TMEM117: variants seen among roughly 807,000 people sequenced by gnomAD.
TMEM117 encodes transmembrane protein 117.
Under a neutral mutation model 52.4 loss-of-function variants are expected in TMEM117, and 27 were observed. That is an observed-to-expected ratio of 0.51 (90% CI 0.38 to 0.71). The LOEUF (loss-of-function observed/expected upper bound fraction) is 0.71, where lower values mean the gene tolerates loss of function less well. TMEM117 is among the 30% of genes least tolerant of loss of function. TMEM117 has a pLI of 0.00. For missense variants in TMEM117, 556 were observed against 630.5 expected (o/e 0.88, Z 1.26); for synonymous variants, 215 against 206.3 (o/e 1.04, Z -0.36).
chr12:44,094,055 C>T (rs1396267880), intron 3 of TMEM117, among the ~76,000 whole-genome samples: 1 of 151,656 alleles, frequency 6.6e-6, no homozygotes, highest in Non-Finnish European at 1.5e-5. Flanking sequence ...TTAGCTGTGT[C>T]CCTTATGATG....
chr12:44,305,089 G>A (rs192427929), intron 6 of TMEM117, among the ~76,000 whole-genome samples: 1 of 152,284 alleles, frequency 6.6e-6, no homozygotes. Flanking sequence ...GCCCATTCCT[G>A]AAAGGAGAGA....
the TMEM117 span, chr12:43,798,562 T>C: frequency 3.3e-6 from 5 of 1,523,672 alleles, no homozygotes; most frequent in Non-Finnish European, 4.4e-6. Flanking sequence ...TGCGAATGCA[T>C]ACCCCAATAT....
At chr12:43,855,062 A>G (rs942209204) in intron 2 of TMEM117, among the ~76,000 whole-genome samples, 1 of 152,228 alleles carries the variant, frequency 6.6e-6, no homozygotes, top group Non-Finnish European at 1.5e-5. Flanking sequence ...TTCTGTATAT[A>G]TGTATACATA....
intron 6 of TMEM117, among the ~76,000 whole-genome samples, chr12:44,333,114 A>G (rs1951294604): frequency 6.6e-6 from 1 of 152,006 alleles, no homozygotes; most frequent in Admixed American, 6.6e-5. Context: ...AAAACCACCC[A>G]GACAATTTAT....
the TMEM117 span, chr12:43,802,216 T>G: frequency 9.4e-7 from 1 of 1,068,036 alleles, no homozygotes; most frequent in Non-Finnish European, 1.3e-6. Flanking sequence ...TTAACCTTTA[T>G]TTGACCTAGA....
chr12:44,103,163 A>C (rs1317085728), intron 3 of TMEM117, among the ~76,000 whole-genome samples: 2 of 151,448 alleles, frequency 1.3e-5, no homozygotes, highest in African/African-American at 4.9e-5. Context: ...TTTTATGATC[A>C]CTTACTTTAC....
chr12:44,026,344 G>A, intron 3 of TMEM117, among the ~76,000 whole-genome samples: 1 of 152,110 alleles, frequency 6.6e-6, no homozygotes, highest in African/African-American at 2.4e-5. Flanking sequence ...TTTAGACTGT[G>A]ATTAAAAACC....
intron 3 of TMEM117, among the ~76,000 whole-genome samples, chr12:44,042,001 A>C (rs1457467802): frequency 6.6e-6 from 1 of 152,206 alleles, no homozygotes; most frequent in East Asian, 1.9e-4. Flanking sequence ...CAGAGCAGTC[A>C]GGCAAGAGAG....
intron 6 of TMEM117, among the ~76,000 whole-genome samples, chr12:44,345,891 T>C (rs1951480310): frequency 6.6e-6 from 1 of 152,076 alleles, no homozygotes; most frequent in African/African-American, 2.4e-5. Flanking sequence ...CACAGTGTAA[T>C]CTCTTATCCT....
At chr12:44,396,029 G>A in the TMEM117 span, among the ~76,000 whole-genome samples, 1 of 152,158 alleles carries the variant, frequency 6.6e-6, no homozygotes, top group African/African-American at 2.4e-5. Flanking sequence ...AGTTTTTAAA[G>A]TTCCATAGGT....
intron 3 of TMEM117, among the ~76,000 whole-genome samples, chr12:44,077,910 T>C (rs930520540): frequency 6.6e-6 from 1 of 152,136 alleles, no homozygotes; most frequent in Non-Finnish European, 1.5e-5. Context: ...GACATAACTT[T>C]AGAAATTCCA....
chr12:43,971,376 C>A (rs530051938), intron 3 of TMEM117, among the ~76,000 whole-genome samples: 39 of 152,316 alleles, frequency 2.6e-4, no homozygotes, highest in African/African-American at 9.4e-4. Context: ...ACTTTTACTA[C>A]TCTAAGTAAC....
intron 3 of TMEM117, among the ~76,000 whole-genome samples, chr12:44,015,005 C>T (rs1946351850): frequency 6.6e-6 from 1 of 151,838 alleles, no homozygotes; most frequent in South Asian, 2.1e-4. Flanking sequence ...TTGAGAGGCA[C>T]CTGAAAAACC....
intron 3 of TMEM117, among the ~76,000 whole-genome samples, chr12:44,022,393 C>T (rs971207292): frequency 6.6e-6 from 1 of 152,118 alleles, no homozygotes; most frequent in African/African-American, 2.4e-5. Context: ...ATGACTTGGG[C>T]GTCCAAAGGG....
At chr12:44,235,545 A>G (rs1271118173) in intron 5 of TMEM117, among the ~76,000 whole-genome samples, 1 of 151,774 alleles carries the variant, frequency 6.6e-6, no homozygotes, top group Non-Finnish European at 1.5e-5. Context: ...TCAGTATAAA[A>G]GTTATAAACT....
intron 5 of TMEM117, among the ~76,000 whole-genome samples, chr12:44,290,803 G>A (rs1950694210): frequency 6.6e-6 from 1 of 151,942 alleles, no homozygotes; most frequent in Admixed American, 6.6e-5. Context: ...AGCCCCAGCT[G>A]GTTATTAATT....
chr12:44,078,910 T>A (rs1947430532), intron 3 of TMEM117, among the ~76,000 whole-genome samples: 1 of 130,126 alleles, frequency 7.7e-6, no homozygotes, highest in Non-Finnish European at 1.6e-5. Flanking sequence ...ACCCTCCCTG[T>A]GTCCATGTAT....
Position 44,347,486 on chromosome 12 carries a change from T to C in TMEM117, c.769-29109T>C, listed in dbSNP as rs555052173. Among the ~76,000 whole-genome samples, 8 of 152,234 alleles carry C rather than the reference T, an allele frequency of 5.3e-5. No homozygotes were observed. In the East Asian group the frequency reaches 1.5e-3, roughly 29 times the overall value. On this transcript the variant is annotated intron_variant, in intron 6 of 7. Transcript: ENST00000266534. The stretch of plus-strand genomic sequence containing the variant: ...ACAGTTTCAATGGTATATATGTGTT[T>C]TGTTATGTAGGAAACTTCCTCACAT...
At chr12:44,117,385 C>T (rs1446591972) in intron 3 of TMEM117, among the ~76,000 whole-genome samples, 1 of 151,936 alleles carries the variant, frequency 6.6e-6, no homozygotes, top group African/African-American at 2.4e-5. Flanking sequence ...CAAGGTGTTG[C>T]AGTTGTCCTC....
Sources: gnomAD v4.1 joint callset for allele counts (sites outside exome capture counted in the v4.1 genomes callset) on GRCh38, gnomAD v4.1.1 for gene constraint, MANE v1.5 for transcripts, NCBI Gene and HGNC (gene_info 2026-07-23, HGNC 2026-07-21) for gene names.